The following CMIP variants were observed in gnomAD, a reference collection of about 807,000 sequenced individuals.
The protein encoded by CMIP is C-Maf-inducing protein.
Under a neutral mutation model 97.3 loss-of-function variants are expected in CMIP, and 13 were observed. The ratio of observed to expected loss-of-function variants is 0.13; its 90% CI spans 0.09 to 0.21. The LOEUF is 0.21. Ranked by LOEUF, CMIP falls within the 10% of genes least tolerant of loss-of-function variation. The pLI is 1.00. For synonymous variants in CMIP, 538 were observed against 436.3 expected (o/e 1.23, Z -2.91); for missense variants, 847 against 1,024.9 (o/e 0.83, Z 2.37).
At position 81,585,427 on chromosome 16, in the gene CMIP, A is replaced by G. The variant is rs918664914; in HGVS notation, c.301-22140A>G. Among the ~76,000 whole-genome samples the G allele has an allele frequency of 2.6e-5, 4 of 152,182 alleles. No individual in the cohort carries two copies. In the South Asian group the frequency reaches 6.2e-4, roughly 24 times the overall value. ...ACTACCACTTCTATCTAGTTCCACAATATTCTCATCACCTCAAAAGGAAAC... is the reference window on the plus strand; with the variant it reads ...ACTACCACTTCTATCTAGTTCCACAGTATTCTCATCACCTCAAAAGGAAAC... On this transcript the variant is annotated intron_variant, in intron 1 of 20. Coordinates refer to ENST00000537098, the MANE Select transcript of CMIP (RefSeq NM_198390.3).
chr16:81,597,919 C>T (rs2091589529), intron 1 of CMIP, among the ~76,000 whole-genome samples: 1 of 151,966 alleles, frequency 6.6e-6, no homozygotes, highest in Admixed American at 6.6e-5. Flanking sequence ...GGCCTATCCC[C>T]AGGTCTGGGC....
intron 1 of CMIP, among the ~76,000 whole-genome samples, chr16:81,480,298 G>C (rs1210705585): frequency 6.6e-6 from 1 of 152,146 alleles, no homozygotes; most frequent in African/African-American, 2.4e-5. Flanking sequence ...CCAGCACTTT[G>C]GGAGGCCGAG....
chr16:81,710,540 A>G lies in CMIP; in HGVS notation c.*741A>G, dbSNP rs369453462. ...GAAACAAACAGACAACAAAAAGAAG[A>G]AAAAAAAAAAGAACCTCCTTGGAAA... is the stretch of plus-strand genomic sequence containing the variant. On this transcript the variant is annotated 3_prime_UTR_variant, in exon 21 of 21. Transcript: ENST00000537098. 4.0e-4 allele frequency: 49 copies of G among 122,972 alleles called. 1 individual carries two copies. The highest frequency in any genetic ancestry group is 1.2e-3 in the African/African-American group (43 of 36,942). 7.6% of individuals were successfully genotyped at this position (122,972 alleles called of 1,614,324 possible).
intron 1 of CMIP, among the ~76,000 whole-genome samples, chr16:81,531,741 C>T (rs753911066): frequency 4.6e-5 from 7 of 152,154 alleles, no homozygotes; most frequent in African/African-American, 1.2e-4. Context: ...GAGGTCAACC[C>T]GTGTGTCATG....
intron 1 of CMIP, among the ~76,000 whole-genome samples, chr16:81,511,963 G>T (rs1318556118): frequency 6.6e-6 from 1 of 152,100 alleles, no homozygotes; most frequent in Non-Finnish European, 1.5e-5. Flanking sequence ...TGCTCTAAGT[G>T]TAAAACGCAC....
intron 1 of CMIP, among the ~76,000 whole-genome samples, chr16:81,508,306 C>T (rs574420586): frequency 6.6e-6 from 1 of 152,294 alleles, no homozygotes; most frequent in South Asian, 2.1e-4. Context: ...TGATCATCTC[C>T]TTTGTGGACA....
intron 10 of CMIP, among the ~76,000 whole-genome samples, chr16:81,690,948 A>T (rs778418209): frequency 5.9e-5 from 9 of 152,184 alleles, no homozygotes; most frequent in Non-Finnish European, 1.2e-4. Flanking sequence ...TAAATTTTAG[A>T]AAAAGAAAAA....
At chr16:81,613,669 G>A (rs533651865) in intron 2 of CMIP, among the ~76,000 whole-genome samples, 1 of 152,336 alleles carries the variant, frequency 6.6e-6, no homozygotes, top group Admixed American at 6.5e-5. Context: ...TAGAGTCTTA[G>A]TCAAATACAG....
chr16:81,637,766 G>A (rs2092254865), intron 3 of CMIP, among the ~76,000 whole-genome samples: 1 of 139,092 alleles, frequency 7.2e-6, no homozygotes, highest in Non-Finnish European at 1.7e-5. Flanking sequence ...AAGTTGGCAT[G>A]CTGAGCATGG....
intron 1 of CMIP, among the ~76,000 whole-genome samples, chr16:81,530,293 G>T (rs997087510): frequency 6.6e-6 from 1 of 152,144 alleles, no homozygotes; most frequent in East Asian, 1.9e-4. Flanking sequence ...TTTGAGTAGA[G>T]TCCTGCTTTT....
intron 1 of CMIP, among the ~76,000 whole-genome samples, chr16:81,532,840 T>A (rs2090265889): frequency 6.6e-6 from 1 of 152,140 alleles, no homozygotes; most frequent in South Asian, 2.1e-4. Flanking sequence ...CCGTGTTGCC[T>A]CCTGCGCCTC....
chr16:81,669,538 CTCCTTCCACACCCACTTCATACT>C (rs2092658347), intron 7 of CMIP, among the ~76,000 whole-genome samples: 4 of 144,696 alleles, frequency 2.8e-5, no homozygotes, highest in Admixed American at 1.3e-4. Flanking sequence ...TCACACTCAC[CTCCTTCCACACCCACTTCATACT>C]TCCTTCCACA....
intron 1 of CMIP, among the ~76,000 whole-genome samples, chr16:81,599,116 A>T (rs2091615207): frequency 6.6e-6 from 1 of 152,116 alleles, no homozygotes. Context: ...CAGTCACCCC[A>T]ACTCTGCAGC....
intron 1 of CMIP, among the ~76,000 whole-genome samples, chr16:81,602,247 G>C (rs536396491): frequency 1.4e-4 from 21 of 151,024 alleles, no homozygotes; most frequent in African/African-American, 4.4e-4. Flanking sequence ...GCGATAATGT[G>C]GGGAAAAAAA....
At chr16:81,519,580 T>A (rs971160074) in intron 1 of CMIP, 4 of 152,266 alleles carry the variant, frequency 2.6e-5, no homozygotes, top group Non-Finnish European at 5.9e-5. Context: ...GTTGGAATCT[T>A]GGGTCTCCTA....
At chr16:81,467,557 C>G (rs530247006) in intron 1 of CMIP, among the ~76,000 whole-genome samples, 5 of 151,926 alleles carry the variant, frequency 3.3e-5, no homozygotes, top group Admixed American at 3.3e-4. Context: ...TTCTCTTTTG[C>G]TCCTTTATTT....
intron 1 of CMIP, among the ~76,000 whole-genome samples, chr16:81,500,272 GTCCTTCCTTCCT>G (rs143054986): frequency 1.5e-5 from 1 of 64,792 alleles, no homozygotes; most frequent in Non-Finnish European, 3.0e-5. Context: ...CCTTCCTTCC[GTCCTTCCTTCCT>G]TCCTTCCTTC....
At chr16:81,560,118 G>C (rs2090848238) in intron 1 of CMIP, among the ~76,000 whole-genome samples, 1 of 147,604 alleles carries the variant, frequency 6.8e-6, no homozygotes, top group Non-Finnish European at 1.5e-5. Context: ...CTGCACTCCA[G>C]CCTGGGCGAC....
Position 81,652,495 on chromosome 16 carries a change from G to A in CMIP, c.639+131G>A. 3.8e-6 allele frequency: 3 copies of A among 788,762 alleles called. No homozygotes were observed. Among genetic ancestry groups the A allele is most frequent in the Non-Finnish European group, 6.1e-6 (3 of 493,954 alleles). The allele number at this position is 788,762 out of a possible 1,614,324, so 48.9% of individuals were successfully genotyped here. A position where few individuals can be genotyped will look rare whatever the true frequency, so the allele number is the denominator to read the frequency against. ...TTGTTGCCCTGCTGCCGAAGGAGGT[G>A]AGCAGTTGCCCACCCAGCCGTGTGT... is the stretch of plus-strand genomic sequence containing the variant. On this transcript the variant is annotated intron_variant, in intron 4 of 20. Coordinates refer to ENST00000537098, the MANE Select transcript of CMIP (RefSeq NM_198390.3). The surrounding 1 kb of genome is among the most constrained non-coding windows in gnomAD (Gnocchi z 5.2).
Sources: gnomAD v4.1 joint callset for allele counts (sites outside exome capture counted in the v4.1 genomes callset) on GRCh38, gnomAD v4.1.1 for gene constraint, Gnocchi (gnomAD v3.1) non-coding constraint, MANE v1.5 for transcripts, NCBI Gene and HGNC (gene_info 2026-07-23, HGNC 2026-07-21) for gene names.